Variants in TOP2B observed in about 807,000 individuals in gnomAD.
TOP2B encodes DNA topoisomerase II beta.
Under a neutral mutation model 193.5 loss-of-function variants are expected in TOP2B, and 51 were observed. The ratio of observed to expected loss-of-function variants is 0.26; its 90% CI spans 0.21 to 0.33. The LOEUF (loss-of-function observed/expected upper bound fraction) is 0.33, where lower values mean the gene tolerates loss of function less well. TOP2B is among the 10% of genes least tolerant of loss of function. The probability of loss-of-function intolerance (pLI) is 1.00; values close to 1 mark genes in which losing one functional copy is unlikely to be tolerated. For missense variants in TOP2B, 1,378 were observed against 1,909.3 expected (o/e 0.72, Z 5.19); for synonymous variants, 634 against 635.7 (o/e 1.00, Z 0.04).
intron 4 of TOP2B, among the ~76,000 whole-genome samples, chr3:25,640,148 T>C (rs903313654): frequency 1.3e-5 from 2 of 152,184 alleles, no homozygotes; most frequent in East Asian, 3.8e-4. Context: ...ACATTTATTT[T>C]AATCAAAATA....
Position 25,654,857 on chromosome 3 carries a change from G to A in TOP2B, c.69+9372C>T, listed in dbSNP as rs577706652. 1.2e-3 allele frequency among the ~76,000 whole-genome samples: 182 copies of A among 152,246 alleles called. 1 individual carries two copies. The highest frequency in any genetic ancestry group is 4.0e-3 in the African/African-American group (166 of 41,546). ...TCAACAAATGGTGCTGGGAAAACTG[G>A]ATAACAAGCAAAAGAATGAAGTTGG... is the stretch of plus-strand genomic sequence containing the variant. On this transcript the variant is annotated intron_variant, in intron 1 of 35. Transcript: ENST00000264331.
At chr3:25,601,450 C>T (rs1394216144) in intron 33 of TOP2B, among the ~76,000 whole-genome samples, 2 of 152,180 alleles carry the variant, frequency 1.3e-5, no homozygotes, top group Non-Finnish European at 2.9e-5. Flanking sequence ...AAAACCCCAT[C>T]TCTACTAAAA....
At chr3:25,657,819 T>C (rs569534491) in intron 1 of TOP2B, among the ~76,000 whole-genome samples, 10 of 152,274 alleles carry the variant, frequency 6.6e-5, no homozygotes, top group Non-Finnish European at 1.3e-4. Context: ...CCCAGCACTT[T>C]GGAAGGCTGA....
rs1183722878 is a variant in TOP2B at position 25,612,318 on chromosome 3, C to T, written c.3786+197G>A. ...TCATTTTAAAAGCTGAATTAAGTAG[C>T]TCTTTACAATATGTGATCCTTTACC... is the stretch of plus-strand genomic sequence containing the variant. On this transcript the variant is annotated intron_variant, in intron 28 of 35. Coordinates refer to ENST00000264331, the MANE Select transcript of TOP2B (RefSeq NM_001330700.2). Among the ~76,000 whole-genome samples the T allele has an allele frequency of 2.0e-5, 3 of 152,260 alleles. No homozygotes were observed. The East Asian group carries it at 5.8e-4, about 29-fold the overall frequency.
chr3:25,614,966 A>T (rs73051964), intron 27 of TOP2B, among the ~76,000 whole-genome samples: 48,564 of 151,772 alleles, frequency 0.32, 8,158 homozygotes, highest in African/African-American at 0.42. Context: ...TCAGTTAAAA[A>T]TTTTTAACTA....
chr3:25,662,016 G>A (rs1703929284), intron 1 of TOP2B, among the ~76,000 whole-genome samples: 2 of 152,112 alleles, frequency 1.3e-5, no homozygotes, highest in African/African-American at 4.8e-5. Flanking sequence ...CTCGTGCAAA[G>A]GAAAAATTAA....
intron 30 of TOP2B, 126 bp downstream of exon 30, chr3:25,609,057 T>C: frequency 2.6e-6 from 2 of 783,190 alleles, no homozygotes; most frequent in Non-Finnish European, 1.8e-6. Context: ...GGCAATTTTT[T>C]CCTTCTTCCT....
intron 27 of TOP2B, among the ~76,000 whole-genome samples, chr3:25,613,943 T>C (rs1199478374): frequency 6.6e-6 from 1 of 152,146 alleles, no homozygotes; most frequent in Non-Finnish European, 1.5e-5. Flanking sequence ...ACCTCATTCA[T>C]TTGAAGTTGT....
At chr3:25,639,139 A>C (rs1049243379) in intron 4 of TOP2B, among the ~76,000 whole-genome samples, 1 of 152,162 alleles carries the variant, frequency 6.6e-6, no homozygotes, top group East Asian at 1.9e-4. Flanking sequence ...AAGACATAAA[A>C]TAGTATATAT....
chr3:25,621,753 C>G (rs1462706021), intron 21 of TOP2B, among the ~76,000 whole-genome samples: 1 of 152,078 alleles, frequency 6.6e-6, no homozygotes, highest in Non-Finnish European at 1.5e-5. Context: ...CTTTGGGAGG[C>G]CAAAGCAGGC....
intron 28 of TOP2B, 66 bp downstream of exon 28, chr3:25,612,448 AT>A: frequency 8.0e-7 from 1 of 1,255,614 alleles, no homozygotes; most frequent in South Asian, 1.8e-5. Flanking sequence ...ACGCATTAAA[AT>A]TTTTTAAATT....
chr3:25,648,563 A>G (rs1386512055), intron 1 of TOP2B, among the ~76,000 whole-genome samples: 3 of 152,224 alleles, frequency 2.0e-5, no homozygotes, highest in Non-Finnish European at 2.9e-5. Flanking sequence ...TCAATGTAAA[A>G]AACTAAATTG....
chr3:25,630,077 T>A lies in TOP2B; in HGVS notation c.1641A>T (p.Glu547Asp), dbSNP rs760747357. Residue 547 changes from glutamate (E) to aspartate (D), a missense_variant, in exon 13 of 36, where the codon GAA (glutamate) becomes GAT (aspartate). Physicochemically the swap from Glu to Asp is conservative, Grantham distance 45 (BLOSUM62 2). This residue lies in a region of TOP2B where 66 missense variants were observed against 153.3 expected (regional missense o/e 0.43). Transcript: ENST00000264331. ...LQYKKSYDDA[E>D]SLKTLRYGKI... The stretch of plus-strand genomic sequence containing the variant: ...TTCCATAGCGTAAGGTTTTCAGAGA[T>A]TCTGCATCATCGTAACTTTTCTTAT... 13 of 1,608,566 alleles carry A rather than the reference T, an allele frequency of 8.1e-6. No individual in the cohort carries two copies. Among genetic ancestry groups the A allele is most frequent in the Middle Eastern group, 1.7e-4 (1 of 6,052 alleles).
intron 35 of TOP2B, among the ~76,000 whole-genome samples, chr3:25,599,031 T>C (rs35671868): frequency 0.021 from 3,141 of 151,990 alleles, 43 homozygotes; most frequent in Non-Finnish European, 0.033. Flanking sequence ...TGGAAAAGGG[T>C]CAGACTAATT....
At chr3:25,638,033 T>C in intron 5 of TOP2B, 132 bp downstream of exon 5, 1 of 887,280 alleles carries the variant, frequency 1.1e-6, no homozygotes, top group East Asian at 2.8e-5. Context: ...ACAATATTTA[T>C]ACATGATAGT....
chr3:25,612,463 C>T (rs756062214), intron 28 of TOP2B, 52 bp downstream of exon 28: 6 of 1,382,006 alleles, frequency 4.3e-6, no homozygotes, highest in Non-Finnish European at 5.8e-6. Flanking sequence ...TTAAATTATA[C>T]ATATATTTCA....
Position 25,604,792 on chromosome 3 carries a change from T to C in TOP2B, c.4457A>G (p.Lys1486Arg). 6.2e-7 allele frequency: 1 copy of C among 1,613,068 alleles called. No individual in the cohort carries two copies. The highest frequency in any genetic ancestry group is 8.5e-7 in the Non-Finnish European group (1 of 1,179,412). Residue 1486 changes from lysine to arginine, a missense_variant, in exon 33 of 36, where the codon AAA (lysine) becomes AGA (arginine). Physicochemically the swap from Lys to Arg is conservative, Grantham distance 26. This residue lies in a region of TOP2B where 556 missense variants were observed against 584.2 expected (regional missense o/e 0.95). Transcript: ENST00000264331. ...SPSFGLKQTDKVPSKTVAAKK... is the reference protein window; with the variant it reads ...SPSFGLKQTDRVPSKTVAAKK... The stretch of plus-strand genomic sequence containing the variant: ...AGCAGCTACCGTTTTACTTGGAACT[T>C]TATCTGTCTGTTTCAGACCAAATGA...
At chr3:25,629,927 C>T in intron 13 of TOP2B, 102 bp downstream of exon 13, 1 of 1,249,564 alleles carries the variant, frequency 8.0e-7, no homozygotes, top group Non-Finnish European at 1.1e-6. Flanking sequence ...TGTATAATCA[C>T]TTTCAGTTAT....
intron 28 of TOP2B, among the ~76,000 whole-genome samples, chr3:25,611,674 G>A (rs1433542941): frequency 1.3e-5 from 2 of 151,924 alleles, no homozygotes; most frequent in Non-Finnish European, 2.9e-5. Context: ...CTTGAGGTTA[G>A]GTCAACGCCA....
Sources: allele counts gnomAD v4.1 joint callset (sites outside exome capture counted in the v4.1 genomes callset), GRCh38; gene constraint gnomAD v4.1.1; regional missense constraint gnomAD v4.1.1; transcripts MANE v1.5; gene names NCBI Gene and HGNC (gene_info 2026-07-23, HGNC 2026-07-21).